PAK2: variants seen among roughly 807,000 people sequenced by gnomAD.
PAK2 encodes the protein serine/threonine-protein kinase PAK 2.
PAK2 carries 21 observed loss-of-function variants against 65.9 expected under a neutral mutation model. That is an observed-to-expected ratio of 0.32 (90% CI 0.23 to 0.46). The LOEUF (loss-of-function observed/expected upper bound fraction) is 0.46. Ranked by LOEUF, PAK2 falls within the 20% of genes least tolerant of loss-of-function variation. The pLI is 1.00. For missense variants in PAK2, 324 were observed against 642.6 expected (o/e 0.50, Z 5.36); for synonymous variants, 204 against 219.7 (o/e 0.93, Z 0.63).
chr3:196,779,253 C>T (rs146340728), intron 1 of PAK2, among the ~76,000 whole-genome samples: 6 of 152,284 alleles, frequency 3.9e-5, no homozygotes, highest in Admixed American at 2.0e-4. Context: ...TACTTTGGGT[C>T]GTAATCTAAT....
chr3:196,785,974 T>G (rs1191073876), intron 2 of PAK2, among the ~76,000 whole-genome samples: 1 of 152,164 alleles, frequency 6.6e-6, no homozygotes, highest in African/African-American at 2.4e-5. Flanking sequence ...CTTTAATCCA[T>G]TTTTCTACTT....
At chr3:196,786,104 T>G (rs148293805) in intron 2 of PAK2, among the ~76,000 whole-genome samples, 1 of 152,280 alleles carries the variant, frequency 6.6e-6, no homozygotes, top group East Asian at 1.9e-4. Flanking sequence ...TCTCACCCTT[T>G]CAGTAGTATA....
rs1309362136 is a variant in PAK2, at chr3:196,820,095, C to T, written c.1154-276C>T. On this transcript the variant is annotated intron_variant, in intron 12 of 14. Coordinates refer to ENST00000327134, the MANE Select transcript of PAK2 (RefSeq NM_002577.4). This position sits in a 1 kb window ranked among gnomAD's most constrained non-coding sequence, Gnocchi z 4.6. ...TACTTTTGCTTTACTTTTTCGTAGA[C>T]CTCTTTCAGTTTTATTAAATTTTTT... Among the ~76,000 whole-genome samples, 2 of 152,090 alleles carry T rather than the reference C, an allele frequency of 1.3e-5. No homozygotes were observed. The highest frequency in any genetic ancestry group is 2.9e-5 in the Non-Finnish European group (2 of 68,020).
chr3:196,811,200 TCCC>T (rs1715778331), intron 8 of PAK2, among the ~76,000 whole-genome samples: 5 of 45,238 alleles, frequency 1.1e-4, no homozygotes, highest in Non-Finnish European at 1.8e-4. Flanking sequence ...AATTCCTTCC[TCCC>T]TTCCTTCCCT....
chr3:196,740,613 G>A (rs567958286), intron 1 of PAK2, among the ~76,000 whole-genome samples: 18 of 152,214 alleles, frequency 1.2e-4, no homozygotes, highest in Non-Finnish European at 2.2e-4. Flanking sequence ...CACTGCTCAG[G>A]AATATTGTCG....
chr3:196,787,946 T>C (rs1180695345), intron 2 of PAK2, among the ~76,000 whole-genome samples: 1 of 152,268 alleles, frequency 6.6e-6, no homozygotes, highest in Non-Finnish European at 1.5e-5. Context: ...AATAACCTGC[T>C]CTGTTGCTCT....
intron 3 of PAK2, among the ~76,000 whole-genome samples, chr3:196,802,795 G>C (rs1314413225): frequency 1.3e-5 from 2 of 151,702 alleles, no homozygotes; most frequent in African/African-American, 4.9e-5. Flanking sequence ...AGTGAGCCGA[G>C]ATCTCGCACG....
chr3:196,751,694 T>TATATATA (rs1211217848), intron 1 of PAK2, among the ~76,000 whole-genome samples: 4 of 45,836 alleles, frequency 8.7e-5, no homozygotes, highest in Admixed American at 2.1e-4. Context: ...TATATATATA[T>TATATATA]AATTCAGGCT....
intron 1 of PAK2, among the ~76,000 whole-genome samples, chr3:196,742,152 A>G (rs188673306): frequency 7.3e-4 from 106 of 145,898 alleles, no homozygotes; most frequent in East Asian, 2.0e-3. Context: ...CTGGAGTGCA[A>G]TGGTGCGATC....
chr3:196,762,346 G>A (rs1448684603), intron 1 of PAK2, among the ~76,000 whole-genome samples: 4 of 138,478 alleles, frequency 2.9e-5, no homozygotes, highest in African/African-American at 7.9e-5. Flanking sequence ...CAAGGCAGGC[G>A]GCTGGGAGGT....
At chr3:196,787,435 C>T (rs1714926561) in intron 2 of PAK2, among the ~76,000 whole-genome samples, 1 of 151,942 alleles carries the variant, frequency 6.6e-6, no homozygotes. Flanking sequence ...AAAAATTAGC[C>T]AGGCATGGTG....
At chr3:196,748,926 CCCATTGAA>C (rs1713478466) in intron 1 of PAK2, among the ~76,000 whole-genome samples, 1 of 152,158 alleles carries the variant, frequency 6.6e-6, no homozygotes. Context: ...AAATTCTATA[CCCATTGAA>C]CCATAACTCC....
chr3:196,779,879 C>T (rs146263599), intron 1 of PAK2, among the ~76,000 whole-genome samples: 42 of 152,284 alleles, frequency 2.8e-4, no homozygotes, highest in South Asian at 2.1e-4. Context: ...CCATGTTGCC[C>T]AAGTTGGTCT....
intron 13 of PAK2, among the ~76,000 whole-genome samples, chr3:196,825,447 G>A (rs7648928): frequency 6.6e-6 from 1 of 151,800 alleles, no homozygotes; most frequent in Admixed American, 6.6e-5. Context: ...TTTAAGACCA[G>A]CCTGGCCAAC....
chr3:196,806,136 C>G (rs778988542), intron 5 of PAK2, among the ~76,000 whole-genome samples: 1 of 151,968 alleles, frequency 6.6e-6, no homozygotes, highest in Non-Finnish European at 1.5e-5. Flanking sequence ...TGGTCTTGAT[C>G]TCCTGACCTT....
At chr3:196,740,242 C>A (rs1234264543) in intron 1 of PAK2, 85 bp downstream of exon 1, 2 of 152,194 alleles carry the variant, frequency 1.3e-5, no homozygotes. Flanking sequence ...CGGGCGGGAG[C>A]GGCCCGGGAC....
intron 2 of PAK2, among the ~76,000 whole-genome samples, chr3:196,793,157 T>C (rs948537761): frequency 2.6e-5 from 4 of 152,176 alleles, no homozygotes; most frequent in Admixed American, 2.0e-4. Context: ...CACACATCCA[T>C]GTAAGTGTTA....
chr3:196,768,480 T>C (rs148413306), intron 1 of PAK2, among the ~76,000 whole-genome samples: 1 of 151,516 alleles, frequency 6.6e-6, no homozygotes, highest in East Asian at 1.9e-4. Context: ...AGTTCTCCTT[T>C]ATTTTATTTA....
intron 13 of PAK2, among the ~76,000 whole-genome samples, chr3:196,823,790 C>A (rs9850293): frequency 0.096 from 13,656 of 142,260 alleles, 787 homozygotes; most frequent in South Asian, 0.15. Context: ...TGAAACTGGG[C>A]GACAGGGAGA....
Sources: allele counts gnomAD v4.1 joint callset (sites outside exome capture counted in the v4.1 genomes callset), GRCh38; gene constraint gnomAD v4.1.1; non-coding constraint Gnocchi (gnomAD v3.1); transcripts MANE v1.5; gene names NCBI Gene and HGNC (gene_info 2026-07-23, HGNC 2026-07-21).